The following HS3ST5 variants were observed in gnomAD, a reference collection of about 807,000 sequenced individuals.
HS3ST5 encodes heparan sulfate glucosamine 3-O-sulfotransferase 5.
HS3ST5 carries 10 observed loss-of-function variants against 25.4 expected under a neutral mutation model. The ratio of observed to expected loss-of-function variants is 0.39; its 90% CI spans 0.24 to 0.67. HS3ST5 has a LOEUF of 0.67. HS3ST5 is among the 30% of genes least tolerant of loss of function. The pLI is 0.44. For missense variants in HS3ST5, 324 were observed against 420.7 expected (o/e 0.77, Z 2.01); for synonymous variants, 170 against 162.4 (o/e 1.05, Z -0.36).
At chr6:114,241,039 G>GA (rs36054998) in intron 1 of HS3ST5, among the ~76,000 whole-genome samples, 21,406 of 150,830 alleles carry the variant, frequency 0.14, 1,692 homozygotes, top group Middle Eastern at 0.2. Flanking sequence ...AACTGAACAG[G>GA]ATTAAAAAAT....
In HS3ST5 at chr6:114,161,543, A is replaced by G. The variant is rs1307648071; in HGVS notation, c.-33+6808T>C. Among the ~76,000 whole-genome samples the G allele has an allele frequency of 6.3e-5, 5 of 79,298 alleles. 1 individual carries two copies. The highest frequency in any genetic ancestry group is 1.4e-4 in the Non-Finnish European group (5 of 35,722). The allele number at this position is 79,298 out of a possible 152,430, so 52.0% of individuals were successfully genotyped here. On this transcript the variant is annotated intron_variant, in intron 3 of 4. Coordinates refer to ENST00000312719, the MANE Select transcript of HS3ST5 (RefSeq NM_153612.4). ...GTTTTATATATATATATATATATAT[A>G]TATATATATATATATATATATATAT...
At chr6:114,282,535 G>A (rs190716776) in intron 1 of HS3ST5, among the ~76,000 whole-genome samples, 4 of 152,046 alleles carry the variant, frequency 2.6e-5, no homozygotes, top group African/African-American at 4.8e-5. Flanking sequence ...ATGTGCCAGC[G>A]AAGCTTTAAT....
At chr6:114,301,392 C>T (rs539280404) in intron 1 of HS3ST5, among the ~76,000 whole-genome samples, 1 of 152,296 alleles carries the variant, frequency 6.6e-6, no homozygotes, top group South Asian at 2.1e-4. Context: ...CTCATTTTCT[C>T]AGTTGTGGAT....
chr6:114,271,124 A>C (rs113102674), intron 1 of HS3ST5, among the ~76,000 whole-genome samples: 49 of 152,214 alleles, frequency 3.2e-4, no homozygotes, highest in African/African-American at 1.1e-3. Flanking sequence ...TAATAATAGG[A>C]GAAAGTCCAC....
At chr6:114,131,333 T>A (rs1777321444) in intron 3 of HS3ST5, 1 of 152,176 alleles carries the variant, frequency 6.6e-6, no homozygotes, top group African/African-American at 2.4e-5. Context: ...AGGGAGGAAA[T>A]GTGGGTTTTA....
chr6:114,262,589 G>A (rs1030976184), intron 1 of HS3ST5, among the ~76,000 whole-genome samples: 2 of 151,740 alleles, frequency 1.3e-5, no homozygotes, highest in African/African-American at 4.8e-5. Context: ...TTTTGATTAA[G>A]TTGTACTGAT....
At position 114,342,254 on chromosome 6, in the gene HS3ST5, G is replaced by A. The variant is rs1415125549; in HGVS notation, c.-398C>T. ...CTCAGGGCGCGGGGGTCGGCGGCGG[G>A]TCGCGTGGGGGTCACCCGGCCGCTG... is the stretch of plus-strand genomic sequence containing the variant. On this transcript the variant is annotated 5_prime_UTR_variant, in exon 1 of 5. Coordinates refer to ENST00000312719, the MANE Select transcript of HS3ST5 (RefSeq NM_153612.4). The A allele has an allele frequency of 1.6e-5, 2 of 127,514 alleles. No individual in the cohort carries two copies. The highest frequency in any genetic ancestry group is 3.4e-5 in the Non-Finnish European group (2 of 58,256). The allele number at this position is 127,514 out of a possible 1,614,324, so 7.9% of individuals were successfully genotyped here.
chr6:114,073,262 A>C (rs1029690655), intron 3 of HS3ST5, among the ~76,000 whole-genome samples: 16 of 152,224 alleles, frequency 1.1e-4, no homozygotes, highest in Admixed American at 2.0e-4. Context: ...CACCAAAAGC[A>C]ATGGCCACCA....
intron 1 of HS3ST5, among the ~76,000 whole-genome samples, chr6:114,323,909 G>A (rs1291134594): frequency 1.3e-5 from 2 of 152,078 alleles, no homozygotes; most frequent in Non-Finnish European, 2.9e-5. Context: ...TGTTTTAAAG[G>A]AACACTGAGT....
chr6:114,306,364 T>C (rs1040026451), intron 1 of HS3ST5, among the ~76,000 whole-genome samples: 5 of 149,660 alleles, frequency 3.3e-5, no homozygotes, highest in Admixed American at 1.3e-4. Flanking sequence ...TATCTCTTAG[T>C]AAAATCATTT....
intron 2 of HS3ST5, among the ~76,000 whole-genome samples, chr6:114,220,402 A>G (rs1781973891): frequency 6.6e-6 from 1 of 151,958 alleles, no homozygotes; most frequent in Non-Finnish European, 1.5e-5. Flanking sequence ...TATTAAATCT[A>G]CTGAAATTTT....
chr6:114,207,753 G>A (rs758260352), intron 2 of HS3ST5, among the ~76,000 whole-genome samples: 1 of 151,950 alleles, frequency 6.6e-6, no homozygotes, highest in African/African-American at 2.4e-5. Flanking sequence ...ATATTATACT[G>A]TTGCTGTATT....
chr6:114,277,443 C>A (rs1773910038), intron 1 of HS3ST5, among the ~76,000 whole-genome samples: 1 of 141,154 alleles, frequency 7.1e-6, no homozygotes, highest in Non-Finnish European at 1.5e-5. Context: ...ATGGCAAAAA[C>A]CGCAATTACT....
At chr6:114,251,933 T>C (rs987202830) in intron 1 of HS3ST5, 1 of 152,232 alleles carries the variant, frequency 6.6e-6, no homozygotes, top group Non-Finnish European at 1.5e-5. Context: ...AACTTTTCCT[T>C]GTGTCTTCTG....
At chr6:114,146,561 T>C (rs188139156) in intron 3 of HS3ST5, among the ~76,000 whole-genome samples, 1 of 152,194 alleles carries the variant, frequency 6.6e-6, no homozygotes. Flanking sequence ...GCAGAGGGCA[T>C]CAACCCCTAG....
intron 1 of HS3ST5, among the ~76,000 whole-genome samples, chr6:114,324,654 A>C (rs997051737): frequency 2.0e-5 from 3 of 152,192 alleles, no homozygotes; most frequent in Non-Finnish European, 4.4e-5. Context: ...TTGCCTCTTC[A>C]AGCCAAAGCC....
At chr6:114,334,540 G>T (rs1178258307) in intron 1 of HS3ST5, among the ~76,000 whole-genome samples, 1 of 152,204 alleles carries the variant, frequency 6.6e-6, no homozygotes, top group Non-Finnish European at 1.5e-5. Context: ...GGTCTTGTTA[G>T]ATTACACTAT....
chr6:114,308,844 TAG>T (rs1775413741), intron 1 of HS3ST5, among the ~76,000 whole-genome samples: 1 of 152,096 alleles, frequency 6.6e-6, no homozygotes, highest in Non-Finnish European at 1.5e-5. Flanking sequence ...GAAATGCCCA[TAG>T]AAACATTTCT....
intron 2 of HS3ST5, among the ~76,000 whole-genome samples, chr6:114,201,202 C>A (rs1465354579): frequency 6.6e-6 from 1 of 152,140 alleles, no homozygotes; most frequent in Non-Finnish European, 1.5e-5. Context: ...AAACTATCTC[C>A]TCTATTTCAC....
Sources: allele counts gnomAD v4.1 joint callset (sites outside exome capture counted in the v4.1 genomes callset), GRCh38; gene constraint gnomAD v4.1.1; transcripts MANE v1.5; gene names NCBI Gene and HGNC (gene_info 2026-07-23, HGNC 2026-07-21).